KCNQ5: variants seen among roughly 807,000 people sequenced by gnomAD.
KCNQ5 encodes the protein potassium voltage-gated channel subfamily KQT member 5.
Under a neutral mutation model 98.2 loss-of-function variants are expected in KCNQ5, and 30 were observed. That is an observed-to-expected ratio of 0.31 (90% CI 0.23 to 0.41). The LOEUF (loss-of-function observed/expected upper bound fraction) is 0.41, where lower values mean the gene tolerates loss of function less well. Among genes scored for constraint, KCNQ5 ranks in the 10% least tolerant of loss-of-function variants. The pLI is 1.00. For synonymous variants in KCNQ5, 458 were observed against 449.4 expected, an observed-to-expected ratio of 1.02 and a Z score of -0.24; for missense variants, 835 against 1,182.5, an observed-to-expected ratio of 0.71 and a Z score of 4.31.
intron 1 of KCNQ5, among the ~76,000 whole-genome samples, chr6:72,692,563 G>A (rs181432346): frequency 6.6e-6 from 1 of 152,198 alleles, no homozygotes; most frequent in South Asian, 2.1e-4. Context: ...TACATTTCTT[G>A]TAAGTGTGAA....
chr6:72,631,160 T>C (rs2098920592), intron 1 of KCNQ5, among the ~76,000 whole-genome samples: 1 of 152,184 alleles, frequency 6.6e-6, no homozygotes, highest in African/African-American at 2.4e-5. Flanking sequence ...CTGAAATCAA[T>C]AGAGGTGGAA....
intron 1 of KCNQ5, among the ~76,000 whole-genome samples, chr6:72,767,896 G>T (rs1772661035): frequency 6.6e-6 from 1 of 151,958 alleles, no homozygotes. Flanking sequence ...AATGTAAAAT[G>T]GTGCAGTAAT....
intron 1 of KCNQ5, among the ~76,000 whole-genome samples, chr6:72,871,890 C>G (rs887555074): frequency 6.6e-6 from 1 of 152,070 alleles, no homozygotes; most frequent in African/African-American, 2.4e-5. Flanking sequence ...TCAGACAGAT[C>G]GTTGAAAAGA....
chr6:72,628,649 G>T (rs1182246077), intron 1 of KCNQ5, among the ~76,000 whole-genome samples: 1 of 152,028 alleles, frequency 6.6e-6, no homozygotes, highest in Non-Finnish European at 1.5e-5. Context: ...TCACTCCGTT[G>T]CCCAGGCTGG....
Position 72,622,614 on chromosome 6 carries a change from C to T in KCNQ5, c.398+27C>T. 3 of 1,609,784 alleles carry T rather than the reference C, an allele frequency of 1.9e-6. No homozygotes were observed. Among genetic ancestry groups the T allele is most frequent in the Non-Finnish European group, 2.5e-6 (3 of 1,178,242 alleles). On this transcript the variant is annotated intron_variant, in intron 1 of 13. Coordinates refer to ENST00000370398, the MANE Select transcript of KCNQ5 (RefSeq NM_019842.4). This position sits in a 1 kb window ranked among gnomAD's most constrained non-coding sequence, Gnocchi z 6.0. ...TGAGTACCCGCGCCCCCTGCTATGC[C>T]CGCTGCAGGGGACCACTGTCCCTGG...
At chr6:73,052,094 A>G (rs988097673) in intron 3 of KCNQ5, among the ~76,000 whole-genome samples, 15 of 152,254 alleles carry the variant, frequency 9.9e-5, no homozygotes, top group African/African-American at 3.6e-4. Flanking sequence ...CCAGAATACA[A>G]TCACAAATAT....
intron 10 of KCNQ5, among the ~76,000 whole-genome samples, chr6:73,146,312 G>A (rs758514284): frequency 5.3e-5 from 8 of 152,128 alleles, no homozygotes; most frequent in Non-Finnish European, 1.2e-4. Context: ...ATGAAGTACT[G>A]TTTTAGCTTA....
chr6:73,013,157 A>C (rs1375306696), intron 2 of KCNQ5, among the ~76,000 whole-genome samples: 2 of 152,166 alleles, frequency 1.3e-5, no homozygotes, highest in Non-Finnish European at 2.9e-5. Context: ...GAAGCTTGCT[A>C]CATAAACATG....
At chr6:73,013,149 A>C (rs756520059) in intron 2 of KCNQ5, among the ~76,000 whole-genome samples, 8 of 152,134 alleles carry the variant, frequency 5.3e-5, no homozygotes, top group Non-Finnish European at 1.0e-4. Context: ...TAATTATGGA[A>C]GCTTGCTACA....
chr6:73,073,145 C>G (rs1219866578), intron 3 of KCNQ5, among the ~76,000 whole-genome samples: 5 of 152,152 alleles, frequency 3.3e-5, no homozygotes, highest in African/African-American at 1.2e-4. Context: ...CATCCCTATC[C>G]CACCCTGGAT....
At chr6:72,674,510 C>T (rs942346981) in intron 1 of KCNQ5, among the ~76,000 whole-genome samples, 2 of 152,054 alleles carry the variant, frequency 1.3e-5, no homozygotes, top group South Asian at 2.1e-4. Flanking sequence ...GCGGCTCACA[C>T]GTGTAATCCC....
intron 9 of KCNQ5, among the ~76,000 whole-genome samples, chr6:73,128,096 A>G (rs1776064765): frequency 6.6e-6 from 1 of 152,170 alleles, no homozygotes; most frequent in African/African-American, 2.4e-5. Context: ...AATACAAGCC[A>G]TTAATCTGAA....
intron 3 of KCNQ5, among the ~76,000 whole-genome samples, chr6:73,056,262 G>T (rs1206983194): frequency 3.3e-5 from 5 of 152,162 alleles, no homozygotes; most frequent in African/African-American, 9.7e-5. Flanking sequence ...CTGCCTGGGG[G>T]CTCTAGTCAT....
chr6:72,866,411 T>G (rs1200429455), intron 1 of KCNQ5, among the ~76,000 whole-genome samples: 1 of 151,946 alleles, frequency 6.6e-6, no homozygotes, highest in African/African-American at 2.4e-5. Flanking sequence ...CACACCACCA[T>G]GCCTGGCTAA....
chr6:72,879,622 G>A lies in KCNQ5; in HGVS notation c.399-124286G>A, dbSNP rs553811378. On this transcript the variant is annotated intron_variant, in intron 1 of 13. Transcript: ENST00000370398. ...AGACAATTTAACAGTTTGTTTAATCGTCTTGTGTTTTGTGTCTTATGATAC... is the reference window on the plus strand; with the variant it reads ...AGACAATTTAACAGTTTGTTTAATCATCTTGTGTTTTGTGTCTTATGATAC... Among the ~76,000 whole-genome samples, 3 of 152,112 alleles carry A rather than the reference G, an allele frequency of 2.0e-5. No homozygotes were observed. The South Asian group carries it at 6.2e-4, about 32-fold the overall frequency.
chr6:72,673,881 C>T (rs1767265917), intron 1 of KCNQ5, among the ~76,000 whole-genome samples: 1 of 152,098 alleles, frequency 6.6e-6, no homozygotes, highest in Admixed American at 6.5e-5. Context: ...GTGACAAAGC[C>T]GTTTTATTCA....
At chr6:72,713,882 C>T (rs1354351447) in intron 1 of KCNQ5, among the ~76,000 whole-genome samples, 2 of 152,142 alleles carry the variant, frequency 1.3e-5, no homozygotes, top group Non-Finnish European at 2.9e-5. Context: ...CGTATCATTT[C>T]CAAAATCCTA....
intron 1 of KCNQ5, among the ~76,000 whole-genome samples, chr6:72,692,514 A>G (rs997222793): frequency 1.6e-4 from 24 of 152,356 alleles, no homozygotes; most frequent in African/African-American, 5.5e-4. Flanking sequence ...TAACTCAGCT[A>G]GAGGAATCAG....
At chr6:72,797,899 ATTAATTC>A (rs1316536039) in intron 1 of KCNQ5, among the ~76,000 whole-genome samples, 1 of 152,198 alleles carries the variant, frequency 6.6e-6, no homozygotes, top group African/African-American at 2.4e-5. Context: ...TTAGTTATGA[ATTAATTC>A]TTAAATGGCT....
Sources: allele counts gnomAD v4.1 joint callset (sites outside exome capture counted in the v4.1 genomes callset), GRCh38; gene constraint gnomAD v4.1.1; non-coding constraint Gnocchi (gnomAD v3.1); transcripts MANE v1.5; gene names NCBI Gene and HGNC (gene_info 2026-07-23, HGNC 2026-07-21).